The following MCOLN2 variants were observed in gnomAD, a reference collection of about 807,000 sequenced individuals.
The protein encoded by MCOLN2 is mucolipin TRP cation channel 2.
MCOLN2 carries 57 observed loss-of-function variants against 67.5 expected under a neutral mutation model. That is an observed-to-expected ratio of 0.84 (90% confidence interval 0.68 to 1.05). The LOEUF is 1.05. Among genes scored for constraint, MCOLN2 ranks in the 50% least tolerant of loss-of-function variants. The pLI is 0.00. For synonymous variants in MCOLN2, 246 were observed against 233.3 expected, an observed-to-expected ratio of 1.05 and a Z score of -0.50; for missense variants, 620 against 678.8, an observed-to-expected ratio of 0.91 and a Z score of 0.96.
chr1:84,944,110 T>C (rs986782906), intron 7 of MCOLN2, among the ~76,000 whole-genome samples: 1 of 152,156 alleles, frequency 6.6e-6, no homozygotes, highest in African/African-American at 2.4e-5. Flanking sequence ...CATTGGACCT[T>C]GTTTACAGAT....
At chr1:84,982,420 G>A (rs1650302755) in intron 1 of MCOLN2, among the ~76,000 whole-genome samples, 1 of 152,090 alleles carries the variant, frequency 6.6e-6, no homozygotes, top group African/African-American at 2.4e-5. Context: ...TACAGGCAAT[G>A]AGCCACCATG....
In MCOLN2 at chr1:84,958,559, G is replaced by C; in HGVS notation, c.381C>G (p.Ala127=). 1 of 1,604,302 alleles carries C rather than the reference G, an allele frequency of 6.2e-7. No individual in the cohort carries two copies. Among genetic ancestry groups the C allele is most frequent in the Non-Finnish European group, 8.5e-7 (1 of 1,178,062 alleles). ...TAATAGCAAAAAAGATGCTCTCATA[G>C]GCATCCTCTTGAGTATATACACTGC... ...YSCSVYTQED[A]YESIFFAINQ... is the part of the protein sequence containing the mutation. The change falls in exon 3 of 14, where the codon GCC becomes GCG. Residue 127 remains alanine (A), a synonymous_variant. Transcript: ENST00000370608.
chr1:84,976,293 T>TG (rs1553157869), intron 1 of MCOLN2, among the ~76,000 whole-genome samples: 1 of 151,672 alleles, frequency 6.6e-6, no homozygotes, highest in Non-Finnish European at 1.5e-5. Flanking sequence ...AGCAGCAAGA[T>TG]AAAAAAACAA....
chr1:84,929,408 A>T, intron 13 of MCOLN2, 150 bp downstream of exon 13: 1 of 879,844 alleles, frequency 1.1e-6, no homozygotes, highest in Non-Finnish European at 1.6e-6. Context: ...TCATTTCTAA[A>T]GCCAATTTCA....
intron 11 of MCOLN2, among the ~76,000 whole-genome samples, chr1:84,932,447 A>G (rs1647226732): frequency 6.6e-6 from 1 of 152,146 alleles, no homozygotes; most frequent in Admixed American, 6.5e-5. Flanking sequence ...TCCTGGCCTC[A>G]GGTGATCCGC....
At chr1:84,939,774 A>C in intron 8 of MCOLN2, 72 bp from the exon 9 acceptor site, 2 of 1,515,248 alleles carry the variant, frequency 1.3e-6, no homozygotes, top group South Asian at 1.2e-5. Flanking sequence ...CAAGTGCAAA[A>C]CAGTGCTCTC....
chr1:84,965,720 G>T lies in MCOLN2; in HGVS notation c.78-12C>A, dbSNP rs781215034. ...GTGCCATTGCATTTCTGCCACAGAA[G>T]ATTAATTTTAAATATCCAGGAAAGC... On this transcript the variant is annotated splice_polypyrimidine_tract_variant and intron_variant, in intron 1 of 13. Coordinates refer to ENST00000370608, the MANE Select transcript of MCOLN2 (RefSeq NM_153259.4). The T allele has an allele frequency of 3.1e-6, 5 of 1,605,642 alleles. No homozygotes were observed. The highest frequency in any genetic ancestry group is 4.2e-6 in the Non-Finnish European group (5 of 1,176,478).
chr1:84,926,492 T>C lies in MCOLN2; in HGVS notation c.*193A>G. On this transcript the variant is annotated 3_prime_UTR_variant, in exon 14 of 14. Transcript: ENST00000370608. ...TGCCCAGTAGTAGCCCATGGTCTATTCTTTATCATTCAAGTTTATAAAAAG... is the reference window on the plus strand; with the variant it reads ...TGCCCAGTAGTAGCCCATGGTCTATCCTTTATCATTCAAGTTTATAAAAAG... 1 of 447,922 alleles carries C rather than the reference T, an allele frequency of 2.2e-6. No homozygotes were observed. Among genetic ancestry groups the C allele is most frequent in the Non-Finnish European group, 4.0e-6 (1 of 249,190 alleles). The allele number at this position is 447,922 out of a possible 1,614,324, so 27.7% of individuals were successfully genotyped here.
At chr1:84,951,870 C>T (rs1471569221) in intron 6 of MCOLN2, among the ~76,000 whole-genome samples, 3 of 152,036 alleles carry the variant, frequency 2.0e-5, no homozygotes, top group Admixed American at 6.5e-5. Context: ...GCCAGGAGTT[C>T]GAGACCAGCC....
chr1:84,950,972 C>T (rs989640017), intron 6 of MCOLN2, among the ~76,000 whole-genome samples: 13 of 152,258 alleles, frequency 8.5e-5, no homozygotes, highest in East Asian at 1.9e-4. Flanking sequence ...CCCACACTTC[C>T]GACCATATCA....
intron 7 of MCOLN2, 147 bp from the exon 8 acceptor site, chr1:84,941,138 C>A (rs1402191970): frequency 1.6e-6 from 1 of 609,650 alleles, no homozygotes; most frequent in South Asian, 2.0e-5. Context: ...CAAATCACAC[C>A]GCATTCATTC....
intron 11 of MCOLN2, among the ~76,000 whole-genome samples, chr1:84,934,090 G>A (rs1370993342): frequency 6.6e-6 from 1 of 152,158 alleles, no homozygotes; most frequent in Non-Finnish European, 1.5e-5. Flanking sequence ...GCATTCCTTT[G>A]GATCTTGAGT....
intron 1 of MCOLN2, among the ~76,000 whole-genome samples, chr1:84,972,331 T>A (rs1571018956): frequency 6.6e-6 from 1 of 152,330 alleles, no homozygotes; most frequent in East Asian, 1.9e-4. Context: ...TATGAATTAT[T>A]TATGTTTCAT....
At chr1:84,954,489 T>A (rs1036365637) in intron 4 of MCOLN2, among the ~76,000 whole-genome samples, 2 of 152,198 alleles carry the variant, frequency 1.3e-5, no homozygotes, top group African/African-American at 4.8e-5. Flanking sequence ...TAATGCATCA[T>A]CTCATTTAAT....
intron 4 of MCOLN2, among the ~76,000 whole-genome samples, chr1:84,954,768 C>CAGGCACTGTGCT (rs1553155675): frequency 6.6e-6 from 1 of 152,230 alleles, no homozygotes; most frequent in East Asian, 1.9e-4. Context: ...TGCTGAAAGC[C>CAGGCACTGTGCT]AGGCACTGTG....
chr1:84,984,983 G>C (rs6700179), intron 1 of MCOLN2, among the ~76,000 whole-genome samples: 2,071 of 152,138 alleles, frequency 0.014, 49 homozygotes, highest in African/African-American at 0.048. Flanking sequence ...AACAGAGCAA[G>C]ACCCTGTCTC....
At chr1:84,987,176 A>ATATCTATC (rs79075979) in intron 1 of MCOLN2, among the ~76,000 whole-genome samples, 12 of 125,802 alleles carry the variant, frequency 9.5e-5, no homozygotes, top group East Asian at 2.4e-4. Flanking sequence ...ATATATAGGC[A>ATATCTATC]TATCTATCTA....
intron 1 of MCOLN2, among the ~76,000 whole-genome samples, chr1:84,980,069 T>C (rs561971968): frequency 6.6e-6 from 1 of 152,182 alleles, no homozygotes; most frequent in South Asian, 2.1e-4. Context: ...AGTACTCCCA[T>C]TTACAATAGC....
At chr1:84,938,198 G>T (rs1035366132) in intron 9 of MCOLN2, 116 bp from the exon 10 acceptor site, 2 of 506,720 alleles carry the variant, frequency 3.9e-6, no homozygotes, top group Non-Finnish European at 6.7e-6. Flanking sequence ...CCCTATAGGT[G>T]ATAGAGTTTT....
Sources: allele counts gnomAD v4.1 joint callset (sites outside exome capture counted in the v4.1 genomes callset), GRCh38; gene constraint gnomAD v4.1.1; transcripts MANE v1.5; gene names NCBI Gene and HGNC (gene_info 2026-07-23, HGNC 2026-07-21).